The following SP140 variants were observed in gnomAD, a reference collection of about 807,000 sequenced individuals.
SP140 encodes the protein nuclear body protein SP140.
In SP140, 81 loss-of-function variants were observed where a neutral mutation model predicts 125.0. That is an observed-to-expected ratio of 0.65 (90% confidence interval 0.54 to 0.78). The LOEUF (loss-of-function observed/expected upper bound fraction) is 0.78, where lower values mean the gene tolerates loss of function less well. Among genes scored for constraint, SP140 ranks in the 30% least tolerant of loss-of-function variants. SP140 has a pLI of 0.00. For synonymous variants in SP140, 312 were observed against 354.0 expected, an observed-to-expected ratio of 0.88 and a Z score of 1.33; for missense variants, 858 against 1,037.0, an observed-to-expected ratio of 0.83 and a Z score of 2.37.
upstream of SP140, among the ~76,000 whole-genome samples, chr2:230,221,148 G>A (rs1055225417): frequency 6.6e-6 from 1 of 151,862 alleles, no homozygotes; most frequent in Non-Finnish European, 1.5e-5. Flanking sequence ...AGATGTGGTG[G>A]CGGGAACCTG....
chr2:230,214,942 C>T lies in SP140; in HGVS notation c.-91+868C>T, dbSNP rs1394324993. 6 of 1,613,252 alleles carry T rather than the reference C, an allele frequency of 3.7e-6. No homozygotes were observed. Among genetic ancestry groups the T allele is most frequent in the Non-Finnish European group, 5.1e-6 (6 of 1,179,252 alleles). On this transcript the variant is annotated intron_variant, in intron 3 of 4. Coordinates refer to the SP140 transcript ENST00000456542. Reference sequence around the variant, plus strand: ...TAAATGCAAAAAGCACTTGAGAAATCTCATTACCACGTTTGAAGCTTCTGT... The same window carrying T: ...TAAATGCAAAAAGCACTTGAGAAATTTCATTACCACGTTTGAAGCTTCTGT...
intron 1 of SP140, chr2:230,208,030 T>A: frequency 1.3e-6 from 2 of 1,567,468 alleles, no homozygotes. Flanking sequence ...CTTTTTGGAG[T>A]TGACCAGATA....
rs1350361669 is a variant in SP140, at chr2:230,253,347, A to G, written c.1089A>G (p.Leu363=). Residue 363 remains leucine, a synonymous_variant, in exon 11 of 27, where the codon CTA becomes CTG. Coordinates refer to ENST00000392045, the MANE Select transcript of SP140 (RefSeq NM_007237.5). ...VSCLSAETFD[L]KTPQVTNEGE... is the part of the protein sequence containing the mutation. The stretch of plus-strand genomic sequence containing the variant: ...GTTTATCTGCAGAGACCTTTGATCT[A>G]AAGACTCCCCAAGTCACTAATGAAG... 1 of 1,612,420 alleles carries G rather than the reference A, an allele frequency of 6.2e-7. No individual in the cohort carries two copies. The highest frequency in any genetic ancestry group is 8.5e-7 in the Non-Finnish European group (1 of 1,178,606).
upstream of SP140, among the ~76,000 whole-genome samples, chr2:230,199,782 G>A (rs1032287032): frequency 6.6e-6 from 1 of 152,106 alleles, no homozygotes; most frequent in Non-Finnish European, 1.5e-5. Context: ...GAAGTAATGA[G>A]AAAGTAATTT....
chr2:230,286,503 A>G (rs997365164), intron 17 of SP140, among the ~76,000 whole-genome samples: 1 of 152,208 alleles, frequency 6.6e-6, no homozygotes, highest in African/African-American at 2.4e-5. Context: ...CTTGCCTGAC[A>G]GGTGCAGCCG....
At position 230,219,930 on chromosome 2, in the gene SP140, C is replaced by T. The variant is rs201649065; in HGVS notation, c.-90-5825C>T. The stretch of plus-strand genomic sequence containing the variant: ...TCCAGGGGCTGGGACAGGGATCACT[C>T]CTCAAGATTGGGAGAGTTACAGGGA... On this transcript the variant is annotated intron_variant, in intron 3 of 4. Coordinates refer to the SP140 transcript ENST00000456542. The T allele has an allele frequency of 1.0e-5, 10 of 985,460 alleles. No individual in the cohort carries two copies. The African/African-American group carries it at 1.7e-4, about 17-fold the overall frequency. The allele number at this position is 985,460 out of a possible 1,614,324, so 61.0% of individuals were successfully genotyped here.
intron 1 of SP140, among the ~76,000 whole-genome samples, chr2:230,206,457 C>A (rs1327388035): frequency 6.6e-6 from 1 of 151,550 alleles, no homozygotes; most frequent in Non-Finnish European, 1.5e-5. Context: ...GATTCCTCTT[C>A]CACTGGGATT....
At chr2:230,261,885 G>A (rs762630721) in intron 12 of SP140, among the ~76,000 whole-genome samples, 47 of 152,140 alleles carry the variant, frequency 3.1e-4, no homozygotes, top group Admixed American at 3.3e-4. Context: ...TAGCATCTAT[G>A]TTCATCAAGG....
chr2:230,305,916 C>T (rs547294680), intron 22 of SP140, among the ~76,000 whole-genome samples: 158 of 152,314 alleles, frequency 1.0e-3, no homozygotes, highest in Non-Finnish European at 1.6e-3. Flanking sequence ...GGAGGCAATC[C>T]GGTCCTGGAG....
chr2:230,256,314 AC>A (rs2051181885), intron 12 of SP140, among the ~76,000 whole-genome samples: 2 of 152,128 alleles, frequency 1.3e-5, no homozygotes. Context: ...AAAATGTGGC[AC>A]ATATACACCA....
upstream of SP140, chr2:230,202,683 AC>A (rs1226491943): frequency 1.9e-6 from 3 of 1,613,916 alleles, no homozygotes; most frequent in Non-Finnish European, 2.5e-6. Context: ...AACCTGATCC[AC>A]CCTTTTGAGC....
rs769882583 is a variant in SP140 at position 230,237,270 on chromosome 2, A to G, written c.237+10A>G. 1.2e-6 allele frequency: 2 copies of G among 1,608,918 alleles called. No individual in the cohort carries two copies. The highest frequency in any genetic ancestry group is 2.2e-5 in the South Asian group (2 of 90,346). On this transcript the variant is annotated intron_variant, in intron 2 of 26. Coordinates refer to ENST00000392045, the MANE Select transcript of SP140 (RefSeq NM_007237.5). This position sits in a 1 kb window ranked among gnomAD's most constrained non-coding sequence, Gnocchi z 5.4. ...CGAGCAGATGTATGAAGTAAGTAAG[A>G]ATTTCCAAATGATGATAAACCAGGT...
intron 1 of SP140, among the ~76,000 whole-genome samples, chr2:230,228,703 C>G (rs1312799118): frequency 6.6e-6 from 1 of 152,160 alleles, no homozygotes; most frequent in Non-Finnish European, 1.5e-5. Flanking sequence ...ATTGATATAG[C>G]TACTATACCT....
At chr2:230,221,472 A>G (rs1213982406), upstream of SP140, among the ~76,000 whole-genome samples, 1 of 152,170 alleles carries the variant, frequency 6.6e-6, no homozygotes, top group Non-Finnish European at 1.5e-5. Context: ...CTATGCAGGC[A>G]CAAACAGCAT....
intron 12 of SP140, among the ~76,000 whole-genome samples, chr2:230,264,355 T>G (rs1021261250): frequency 1.3e-5 from 2 of 152,214 alleles, no homozygotes; most frequent in Non-Finnish European, 2.9e-5. Flanking sequence ...TCTATTTGCT[T>G]GAATATTTCT....
chr2:230,201,573 T>C (rs1328299482), upstream of SP140, among the ~76,000 whole-genome samples: 2 of 152,198 alleles, frequency 1.3e-5, no homozygotes, highest in Non-Finnish European at 2.9e-5. Flanking sequence ...TACCCTTGAG[T>C]ACATATCTGA....
At chr2:230,220,017 C>T (rs201007537) in intron 3 of SP140, 3 of 985,406 alleles carry the variant, frequency 3.0e-6, no homozygotes, top group Middle Eastern at 5.2e-4. Context: ...GCCGGGCTTC[C>T]GAGAAAAGAA....
chr2:230,306,036 G>A (rs1255631949), intron 22 of SP140, among the ~76,000 whole-genome samples: 1 of 152,222 alleles, frequency 6.6e-6, no homozygotes, highest in South Asian at 2.1e-4. Flanking sequence ...ACCAGATGCT[G>A]GCCTGGGCCT....
chr2:230,240,962 C>T (rs2048641478), intron 3 of SP140, among the ~76,000 whole-genome samples: 1 of 152,068 alleles, frequency 6.6e-6, no homozygotes, highest in Non-Finnish European at 1.5e-5. Flanking sequence ...TAATACTATT[C>T]AGCAATAAAA....
Sources: gnomAD v4.1 joint callset for allele counts (sites outside exome capture counted in the v4.1 genomes callset) on GRCh38, gnomAD v4.1.1 for gene constraint, Gnocchi (gnomAD v3.1) non-coding constraint, MANE v1.5 for transcripts, NCBI Gene and HGNC (gene_info 2026-07-23, HGNC 2026-07-21) for gene names.